Variants in STAT3 observed in about 807,000 individuals in gnomAD.
STAT3 encodes signal transducer and activator of transcription 3.
A neutral mutation model predicts 114.3 loss-of-function variants in STAT3; 7 were observed. The observed-to-expected ratio is 0.06, with a 90% CI of 0.03 to 0.11. The LOEUF (loss-of-function observed/expected upper bound fraction) is 0.11, where lower values mean the gene tolerates loss of function less well. Among genes scored for constraint, STAT3 ranks in the 10% least tolerant of loss-of-function variants. The probability of loss-of-function intolerance (pLI) is 1.00; values close to 1 mark genes in which losing one functional copy is unlikely to be tolerated. For missense variants in STAT3, 364 were observed against 960.9 expected, an observed-to-expected ratio of 0.38 and a Z score of 8.21; for synonymous variants, 331 against 354.5, an observed-to-expected ratio of 0.93 and a Z score of 0.74.
chr17:42,380,597 C>A (rs1186272538), intron 1 of STAT3, among the ~76,000 whole-genome samples: 2 of 151,942 alleles, frequency 1.3e-5, no homozygotes, highest in African/African-American at 2.4e-5. Flanking sequence ...CTCTGTTGGG[C>A]AGGCTGGTCT....
intron 2 of STAT3, 37 bp from the exon 3 acceptor site, chr17:42,346,750 G>A: frequency 6.2e-7 from 1 of 1,613,818 alleles, no homozygotes; most frequent in Non-Finnish European, 8.5e-7. Flanking sequence ...TGGCTCTGAA[G>A]CCGACGCATA....
intron 3 of STAT3, among the ~76,000 whole-genome samples, chr17:42,345,954 G>T (rs1165313459): frequency 6.7e-6 from 1 of 149,958 alleles, no homozygotes; most frequent in Non-Finnish European, 1.5e-5. Flanking sequence ...GCTTATTGCA[G>T]CTTCGACCTC....
rs1471539959 is a variant in STAT3 at position 42,381,688 on chromosome 17, C to T, written c.-24+6591G>A. Among the ~76,000 whole-genome samples the T allele has an allele frequency of 4.7e-5, 7 of 149,144 alleles. No individual in the cohort carries two copies. The South Asian group carries it at 6.3e-4, about 13-fold the overall frequency. ...CGGAGCTTGCAATGAGCCAAGATAG[C>T]GCCACTGCACTCCAGCCTGGGCGAC... On this transcript the variant is annotated intron_variant, in intron 1 of 23. Coordinates refer to ENST00000264657, the MANE Select transcript of STAT3 (RefSeq NM_139276.3).
chr17:42,330,432 TTTC>T (rs1171471789), intron 11 of STAT3, among the ~76,000 whole-genome samples: 5 of 142,506 alleles, frequency 3.5e-5, no homozygotes, highest in Non-Finnish European at 7.6e-5. Context: ...TCTCTTTTCT[TTTC>T]TTTTTTTTTT....
intron 4 of STAT3, 50 bp downstream of exon 4, chr17:42,345,509 T>C: frequency 6.7e-7 from 1 of 1,493,174 alleles, no homozygotes; most frequent in Non-Finnish European, 9.2e-7. Context: ...TAAAGTTGTT[T>C]GATTTTCCAT....
intron 4 of STAT3, among the ~76,000 whole-genome samples, chr17:42,343,218 A>C (rs1476617422): frequency 6.6e-6 from 1 of 151,604 alleles, no homozygotes; most frequent in Non-Finnish European, 1.5e-5. Context: ...TTGAAATGTA[A>C]TGTTATGTGT....
chr17:42,359,406 C>A (rs558440021), intron 1 of STAT3, among the ~76,000 whole-genome samples: 14 of 152,134 alleles, frequency 9.2e-5, no homozygotes, highest in African/African-American at 3.4e-4. Flanking sequence ...GTCAGTGATG[C>A]TGTGATTTGG....
chr17:42,361,206 C>A (rs2083489610), intron 1 of STAT3, among the ~76,000 whole-genome samples: 1 of 152,168 alleles, frequency 6.6e-6, no homozygotes, highest in Non-Finnish European at 1.5e-5. Flanking sequence ...TACGGCTGGG[C>A]ACGGTGGCTC....
intron 14 of STAT3, among the ~76,000 whole-genome samples, chr17:42,327,523 T>A (rs2081782574): frequency 6.6e-6 from 1 of 152,188 alleles, no homozygotes; most frequent in Non-Finnish European, 1.5e-5. Flanking sequence ...TTGATGGGTA[T>A]TTATTTGGGT....
chr17:42,347,830 C>T (rs550806717), intron 2 of STAT3, among the ~76,000 whole-genome samples: 6 of 152,326 alleles, frequency 3.9e-5, no homozygotes, highest in South Asian at 2.1e-4. Context: ...CTCTGCCTTC[C>T]GCCATGATTG....
At position 42,338,633 on chromosome 17, in the gene STAT3, C is replaced by T. The variant is rs190722080; in HGVS notation, c.550+98G>A. 256 of 1,225,608 alleles carry T rather than the reference C, an allele frequency of 2.1e-4. 1 individual carries two copies. The African/African-American group carries it at 2.8e-3, about 14-fold the overall frequency. 75.9% of individuals were successfully genotyped at this position (1,225,608 alleles called of 1,614,324 possible). On this transcript the variant is annotated intron_variant, in intron 6 of 23. Transcript: ENST00000264657. ...ACCCGTACCTCCCTTGCGCCCCGCC[C>T]GCCTTAAGATCTAAACAGAGTTAAG...
intron 1 of STAT3, among the ~76,000 whole-genome samples, chr17:42,357,180 A>G (rs1212657113): frequency 6.6e-6 from 1 of 152,218 alleles, no homozygotes; most frequent in Non-Finnish European, 1.5e-5. Context: ...TGAGGGCCAC[A>G]TAATTTATTA....
Position 42,385,399 on chromosome 17 carries a change from C to T in STAT3, c.-24+2880G>A, listed in dbSNP as rs1288530788. 5.3e-5 allele frequency among the ~76,000 whole-genome samples: 8 copies of T among 151,130 alleles called. No homozygotes were observed. The East Asian group carries it at 1.4e-3, about 26-fold the overall frequency. On this transcript the variant is annotated intron_variant, in intron 1 of 23. Transcript: ENST00000264657. ...TGGCGGGCACCTGTAATCCCAGCTACTCAGGAGGCTGAGGTGCGAGAATCA... is the reference window on the plus strand; with the variant it reads ...TGGCGGGCACCTGTAATCCCAGCTATTCAGGAGGCTGAGGTGCGAGAATCA...
chr17:42,370,555 C>T (rs1026173256), intron 1 of STAT3, among the ~76,000 whole-genome samples: 4 of 151,980 alleles, frequency 2.6e-5, no homozygotes, highest in African/African-American at 7.2e-5. Flanking sequence ...TGAGCCACCG[C>T]GCCCAGCCAT....
chr17:42,358,653 G>A (rs917241425), intron 1 of STAT3, among the ~76,000 whole-genome samples: 3 of 152,192 alleles, frequency 2.0e-5, no homozygotes, highest in East Asian at 1.9e-4. Context: ...TCAGTGTGGT[G>A]TGGGGGAAAG....
chr17:42,383,688 C>T (rs1271283336), intron 1 of STAT3, among the ~76,000 whole-genome samples: 1 of 152,174 alleles, frequency 6.6e-6, no homozygotes, highest in Non-Finnish European at 1.5e-5. Flanking sequence ...CTGGGCCAGC[C>T]CAGCAATGCC....
At chr17:42,350,972 A>T (rs2082920027) in intron 1 of STAT3, among the ~76,000 whole-genome samples, 1 of 152,052 alleles carries the variant, frequency 6.6e-6, no homozygotes, top group Non-Finnish European at 1.5e-5. Context: ...CTCTACTAAA[A>T]ATACAAAAAT....
At chr17:42,358,261 T>C (rs2083324436) in intron 1 of STAT3, among the ~76,000 whole-genome samples, 3 of 151,996 alleles carry the variant, frequency 2.0e-5, no homozygotes, top group South Asian at 4.2e-4. Flanking sequence ...ACAAAAAAAT[T>C]TTTTTAAAAT....
At chr17:42,363,279 G>A (rs1222904330) in intron 1 of STAT3, among the ~76,000 whole-genome samples, 1 of 152,142 alleles carries the variant, frequency 6.6e-6, no homozygotes, top group Non-Finnish European at 1.5e-5. Flanking sequence ...ACTGATTCAA[G>A]AATAATCCTT....
Sources: gnomAD v4.1 joint callset for allele counts (sites outside exome capture counted in the v4.1 genomes callset) on GRCh38, gnomAD v4.1.1 for gene constraint, MANE v1.5 for transcripts, NCBI Gene and HGNC (gene_info 2026-07-23, HGNC 2026-07-21) for gene names.